PTPRQ: variants seen among roughly 807,000 people sequenced by gnomAD.
PTPRQ encodes phosphatidylinositol phosphatase PTPRQ.
A neutral mutation model predicts 246.0 loss-of-function variants in PTPRQ; 199 were observed. That is an observed-to-expected ratio of 0.81 (90% CI 0.72 to 0.91). The LOEUF (loss-of-function observed/expected upper bound fraction) is 0.91, where lower values mean the gene tolerates loss of function less well. PTPRQ is among the 40% of genes least tolerant of loss of function. The pLI, the probability that PTPRQ is intolerant of heterozygous loss-of-function variation, is 0.00. For missense variants in PTPRQ, 2,624 were observed against 2,528.4 expected, an observed-to-expected ratio of 1.04 and a Z score of -0.81; for synonymous variants, 869 against 853.2, an observed-to-expected ratio of 1.02 and a Z score of -0.32.
chr12:80,506,588 A>G lies in PTPRQ; in HGVS notation c.2475A>G (p.Gln825=). The change falls in exon 16 of 45, where the codon CAA becomes CAG. Residue 825 remains glutamine (Q), a synonymous_variant. Transcript: ENST00000644991. ...CTTTAGTACTGAAGAAATATACCCA[A>G]TATATCATTGAGGTGTCTGCTAGTA... ...QNIKVLKKYT[Q]YIIEVSASTL... is the part of the protein sequence containing the mutation. 1 of 1,536,982 alleles carries G rather than the reference A, an allele frequency of 6.5e-7. No homozygotes were observed. The highest frequency in any genetic ancestry group is 1.2e-5 in the South Asian group (1 of 82,604).
intron 25 of PTPRQ, among the ~76,000 whole-genome samples, chr12:80,554,072 A>AG (rs1274898615): frequency 7.3e-6 from 1 of 136,414 alleles, no homozygotes. Flanking sequence ...AAAAGGTAGG[A>AG]GGGGCAGGGG....
At chr12:80,496,952 A>G (rs536569066) in intron 14 of PTPRQ, among the ~76,000 whole-genome samples, 1 of 151,826 alleles carries the variant, frequency 6.6e-6, no homozygotes, top group African/African-American at 2.4e-5. Flanking sequence ...CCTGGAGAAG[A>G]CTTATGGAGG....
intron 33 of PTPRQ, among the ~76,000 whole-genome samples, chr12:80,629,171 C>G (rs118185135): frequency 0.35 from 52,139 of 151,034 alleles, 9,521 homozygotes; most frequent in African/African-American, 0.46. Flanking sequence ...CACACACACA[C>G]ACAGAGAGAG....
chr12:80,636,161 G>A (rs1899640628), intron 35 of PTPRQ, among the ~76,000 whole-genome samples: 2 of 152,148 alleles, frequency 1.3e-5, no homozygotes, highest in South Asian at 2.1e-4. Context: ...TATGACAGCT[G>A]ACTTTTTAAA....
rs1893140795 is a variant in PTPRQ, at chr12:80,460,860, G to A, written c.868G>A (p.Ala290Thr). The A allele has an allele frequency of 2.5e-6, 1 of 400,704 alleles. No homozygotes were observed. The highest frequency in any genetic ancestry group is 4.4e-6 in the Non-Finnish European group (1 of 226,208). 24.8% of individuals were successfully genotyped at this position (400,704 alleles called of 1,614,324 possible). A position where few individuals can be genotyped will look rare whatever the true frequency, so the allele number is the denominator to read the frequency against. The change falls in exon 6 of 45, where the codon GCA (alanine) becomes ACA (threonine). Residue 290 changes from alanine to threonine, a missense_variant. Physicochemically the swap from Ala to Thr is moderately conservative, Grantham distance 58. Transcript: ENST00000644991. ...LFEVSAATTE[A>T]GYIDSTIVRT... ...TGAAGTTTCAGCTGCTACAACTGAAGCAGGTTATATTGATAGTACGATTGT... is the reference window on the plus strand; with the variant it reads ...TGAAGTTTCAGCTGCTACAACTGAAACAGGTTATATTGATAGTACGATTGT...
rs1011349466 is a variant in PTPRQ, at chr12:80,663,279, A to T, written c.6192+5218A>T. ...CAATTATTTATATATGTGTATGTAT[A>T]TAAAATATACAGTATAATATTTAGT... On this transcript the variant is annotated intron_variant, in intron 39 of 44. Coordinates refer to ENST00000644991, the MANE Select transcript of PTPRQ (RefSeq NM_001145026.2). Among the ~76,000 whole-genome samples the T allele has an allele frequency of 1.1e-4, 16 of 151,952 alleles. 1 individual carries two copies. The highest frequency in any genetic ancestry group is 7.2e-4 in the Admixed American group (11 of 15,210).
chr12:80,468,245 CA>C (rs1422720353), intron 6 of PTPRQ, among the ~76,000 whole-genome samples: 1 of 151,938 alleles, frequency 6.6e-6, no homozygotes, highest in South Asian at 2.1e-4. Context: ...AATATTGATA[CA>C]AAAAGTAAAA....
chr12:80,573,233 T>G (rs1897194652), intron 25 of PTPRQ, among the ~76,000 whole-genome samples: 1 of 152,198 alleles, frequency 6.6e-6, no homozygotes, highest in Non-Finnish European at 1.5e-5. Context: ...CTCACGCCTG[T>G]AATCCCAGCT....
chr12:80,580,384 G>T (rs1293091278), intron 25 of PTPRQ, among the ~76,000 whole-genome samples: 2 of 152,156 alleles, frequency 1.3e-5, no homozygotes, highest in African/African-American at 4.8e-5. Context: ...AGGAAGCATG[G>T]AATGATGTGT....
chr12:80,577,363 G>A (rs139464742), intron 25 of PTPRQ, among the ~76,000 whole-genome samples: 3 of 152,034 alleles, frequency 2.0e-5, no homozygotes, highest in African/African-American at 7.3e-5. Context: ...CCATTGAAGG[G>A]GCGAGCCCCT....
Position 80,495,440 on chromosome 12 carries a change from C to A in PTPRQ, c.1882+69C>A, listed in dbSNP as rs930839059. ...ATTTCTATTCTGGTGGAAAATATGC[C>A]CATCTCCCTGTGCCTTATATACTAC... On this transcript the variant is annotated intron_variant, in intron 12 of 44. Coordinates refer to ENST00000644991, the MANE Select transcript of PTPRQ (RefSeq NM_001145026.2). The A allele has an allele frequency of 3.4e-6, 5 of 1,456,596 alleles. No individual in the cohort carries two copies. In the African/African-American group the frequency reaches 7.2e-5, roughly 21 times the overall value. 90.2% of individuals were successfully genotyped at this position (1,456,596 alleles called of 1,614,324 possible). A position where few individuals can be genotyped will look rare whatever the true frequency, so the allele number is the denominator to read the frequency against.
intron 33 of PTPRQ, among the ~76,000 whole-genome samples, chr12:80,626,537 C>T (rs2099423745): frequency 6.6e-6 from 1 of 152,162 alleles, no homozygotes; most frequent in Non-Finnish European, 1.5e-5. Context: ...TCTGTAACAA[C>T]ACCTCCTATT....
rs1420471343 is a variant in PTPRQ, at chr12:80,588,322, A to C, written c.4479A>C (p.Glu1493Asp). The change falls in exon 26 of 45, where the codon GAA (glutamate) becomes GAC (aspartate). Residue 1493 changes from glutamate to aspartate, a missense_variant. Physicochemically the swap from Glu to Asp is conservative, Grantham distance 45. Transcript: ENST00000644991. ...VEYQKIQYLY[E>D]AHLTEETVYG... ...ATCAAAAAATTCAATACCTCTATGA[A>C]GCTCACTTAACTGAAGAGACAGTAT... 7.7e-6 allele frequency: 12 copies of C among 1,551,412 alleles called. No homozygotes were observed. Among genetic ancestry groups the C allele is most frequent in the African/African-American group, 6.8e-5 (5 of 73,054 alleles).
intron 6 of PTPRQ, among the ~76,000 whole-genome samples, chr12:80,463,583 A>G (rs1316334403): frequency 2.0e-5 from 3 of 152,054 alleles, no homozygotes; most frequent in African/African-American, 7.3e-5. Context: ...ACCAAAGTTG[A>G]AATGAAGGAA....
At chr12:80,597,601 C>G (rs1283458621) in intron 26 of PTPRQ, among the ~76,000 whole-genome samples, 1 of 151,984 alleles carries the variant, frequency 6.6e-6, no homozygotes, top group Non-Finnish European at 1.5e-5. Context: ...ATTCAATCCC[C>G]TTTTCCAATC....
chr12:80,642,931 A>AAACAAAAC, intron 35 of PTPRQ, among the ~76,000 whole-genome samples: 2 of 115,020 alleles, frequency 1.7e-5, no homozygotes, highest in African/African-American at 1.0e-4. Context: ...AAAAAAAAAA[A>AAACAAAAC]AAAAAAAAAA....
At chr12:80,480,788 TTCC>T (rs1400604984) in intron 8 of PTPRQ, among the ~76,000 whole-genome samples, 1 of 152,162 alleles carries the variant, frequency 6.6e-6, no homozygotes, top group Non-Finnish European at 1.5e-5. Flanking sequence ...AATGAATAAA[TTCC>T]TCGACACATA....
Position 80,678,670 on chromosome 12 carries a change from C to T in PTPRQ, c.6807C>T (p.Ile2269=). ...CAAATAAGGGAAGTAATCAGCCCATCTGTTTTGTTAACTATTCAGCACTTC... is the reference window on the plus strand; with the variant it reads ...CAAATAAGGGAAGTAATCAGCCCATTTGTTTTGTTAACTATTCAGCACTTC... The part of the protein sequence containing the change: ...LLSNKGSNQP[I]CFVNYSALQK... Residue 2269 remains isoleucine, a synonymous_variant, in exon 44 of 45, where the codon ATC becomes ATT. Coordinates refer to ENST00000644991, the MANE Select transcript of PTPRQ (RefSeq NM_001145026.2). The T allele has an allele frequency of 6.4e-7, 1 of 1,550,490 alleles. No homozygotes were observed. The highest frequency in any genetic ancestry group is 2.4e-5 in the East Asian group (1 of 40,834).
At chr12:80,641,802 C>T (rs1054284267) in intron 35 of PTPRQ, among the ~76,000 whole-genome samples, 1 of 152,114 alleles carries the variant, frequency 6.6e-6, no homozygotes, top group African/African-American at 2.4e-5. Context: ...TGTCTTTCTT[C>T]ATCATCATAA....
Sources: allele counts gnomAD v4.1 joint callset (sites outside exome capture counted in the v4.1 genomes callset), GRCh38; gene constraint gnomAD v4.1.1; transcripts MANE v1.5; gene names NCBI Gene and HGNC (gene_info 2026-07-23, HGNC 2026-07-21).